The following CAPZA2 variants were observed in gnomAD, a reference collection of about 807,000 sequenced individuals.
The protein encoded by CAPZA2 is capping actin protein of muscle Z-line subunit alpha 2.
In CAPZA2, 13 loss-of-function variants were observed where a neutral mutation model predicts 44.0. The ratio of observed to expected loss-of-function variants is 0.30; its 90% CI spans 0.19 to 0.47. The LOEUF (loss-of-function observed/expected upper bound fraction) is 0.47, where lower values mean the gene tolerates loss of function less well. CAPZA2 is among the 20% of genes least tolerant of loss of function. The probability of loss-of-function intolerance (pLI) is 1.00; values close to 1 mark genes in which losing one functional copy is unlikely to be tolerated. For synonymous variants in CAPZA2, 94 were observed against 108.2 expected, an observed-to-expected ratio of 0.87 and a Z score of 0.81; for missense variants, 244 against 338.6, an observed-to-expected ratio of 0.72 and a Z score of 2.19.
chr7:116,877,867 G>A (rs1195375858), intron 1 of CAPZA2, among the ~76,000 whole-genome samples: 1 of 152,140 alleles, frequency 6.6e-6, no homozygotes, highest in African/African-American at 2.4e-5. Context: ...TGGCAAGGTG[G>A]AAAATGAATT....
chr7:116,908,041 G>T (rs922283569), intron 6 of CAPZA2, among the ~76,000 whole-genome samples: 20 of 151,904 alleles, frequency 1.3e-4, no homozygotes, highest in African/African-American at 4.8e-4. Flanking sequence ...TAGGAGGATG[G>T]CCAGAGGCCA....
intron 3 of CAPZA2, among the ~76,000 whole-genome samples, chr7:116,896,580 A>G (rs569700067): frequency 6.6e-6 from 1 of 152,266 alleles, no homozygotes; most frequent in South Asian, 2.1e-4. Flanking sequence ...AAGAAAAATG[A>G]TGTGGCTAAA....
intron 1 of CAPZA2, chr7:116,875,591 A>G (rs1049686599): frequency 1.3e-5 from 2 of 151,862 alleles, no homozygotes; most frequent in African/African-American, 2.4e-5. Context: ...CTGTCAGCCA[A>G]GCTGGAGTGT....
chr7:116,917,958 T>G lies in CAPZA2; in HGVS notation c.*91T>G. 1.0e-6 allele frequency: 1 copy of G among 985,850 alleles called. No individual in the cohort carries two copies. The highest frequency in any genetic ancestry group is 1.6e-6 in the Non-Finnish European group (1 of 634,124). 61.1% of individuals were successfully genotyped at this position (985,850 alleles called of 1,614,324 possible). On this transcript the variant is annotated 3_prime_UTR_variant, in exon 10 of 10. Coordinates refer to ENST00000361183, the MANE Select transcript of CAPZA2 (RefSeq NM_006136.3). Reference sequence around the variant, plus strand: ...TGAACTGTCAAGCTGCCCAGTCAGATGGGCTGTTGCCATTTAAAATCACTG... The same window carrying G: ...TGAACTGTCAAGCTGCCCAGTCAGAGGGGCTGTTGCCATTTAAAATCACTG...
chr7:116,862,755 C>T, intron 1 of CAPZA2, 105 bp downstream of exon 1: 3 of 1,287,370 alleles, frequency 2.3e-6, no homozygotes, highest in South Asian at 2.8e-5. Flanking sequence ...CCGCAGCTGG[C>T]CTTGCCCTCG....
intron 1 of CAPZA2, among the ~76,000 whole-genome samples, chr7:116,864,751 C>T (rs981711397): frequency 6.6e-6 from 1 of 152,020 alleles, no homozygotes; most frequent in South Asian, 2.1e-4. Flanking sequence ...CAAAAATAAG[C>T]TCTTAAGCTG....
intron 8 of CAPZA2, among the ~76,000 whole-genome samples, chr7:116,913,183 G>A (rs1462799384): frequency 6.6e-6 from 1 of 152,112 alleles, no homozygotes; most frequent in Non-Finnish European, 1.5e-5. Flanking sequence ...CAAGTCCAGT[G>A]TATCACATAC....
At chr7:116,862,798 A>G (rs1450184743) in intron 1 of CAPZA2, 148 bp downstream of exon 1, 15 of 863,840 alleles carry the variant, frequency 1.7e-5, no homozygotes, top group African/African-American at 7.2e-5. Flanking sequence ...TACTGCGCCC[A>G]GTGCCTGCCC....
intron 2 of CAPZA2, among the ~76,000 whole-genome samples, chr7:116,892,493 C>G (rs1004083568): frequency 6.6e-6 from 1 of 152,100 alleles, no homozygotes; most frequent in African/African-American, 2.4e-5. Flanking sequence ...CAGACTTTAA[C>G]ATACCATATT....
intron 6 of CAPZA2, among the ~76,000 whole-genome samples, chr7:116,908,083 A>AC (rs1791540946): frequency 1.4e-5 from 2 of 147,550 alleles, no homozygotes; most frequent in Non-Finnish European, 3.0e-5. Flanking sequence ...ACATAGTACG[A>AC]CCCCATCTCT....
At chr7:116,888,392 A>G in intron 2 of CAPZA2, 1 of 430,508 alleles carries the variant, frequency 2.3e-6, no homozygotes, top group Non-Finnish European at 4.1e-6. Flanking sequence ...TAGCAAATTA[A>G]CCCTTTTAAA....
At chr7:116,913,496 T>A (rs555347655) in intron 8 of CAPZA2, among the ~76,000 whole-genome samples, 2 of 152,318 alleles carry the variant, frequency 1.3e-5, no homozygotes, top group African/African-American at 4.8e-5. Flanking sequence ...GTTTTTTTTT[T>A]AAGTTCATCT....
intron 4 of CAPZA2, among the ~76,000 whole-genome samples, chr7:116,900,495 T>C (rs1424804706): frequency 6.6e-6 from 1 of 151,842 alleles, no homozygotes; most frequent in East Asian, 1.9e-4. Flanking sequence ...TTGTCCTTTA[T>C]TACAGCAAGT....
At chr7:116,900,471 A>G (rs1796981678) in intron 4 of CAPZA2, among the ~76,000 whole-genome samples, 2 of 151,976 alleles carry the variant, frequency 1.3e-5, no homozygotes, top group African/African-American at 4.8e-5. Flanking sequence ...AGGTAAGGAT[A>G]CAAAACTCAT....
Position 116,916,043 on chromosome 7 carries a change from G to GTTTT in CAPZA2, c.658-7_658-4dup. On this transcript the variant is annotated splice_polypyrimidine_tract_variant and intron_variant, in intron 8 of 9. Coordinates refer to ENST00000361183, the MANE Select transcript of CAPZA2 (RefSeq NM_006136.3). ...AGTTTTAAATTACTATTTTTATTTT[G>GTTTT]TTTTTTTTTTTTTCAGAATGAAGTG... 2.4e-5 allele frequency: 28 copies of GTTTT among 1,174,960 alleles called. No homozygotes were observed. The highest frequency in any genetic ancestry group is 9.7e-5 in the South Asian group (6 of 62,012). 72.8% of individuals were successfully genotyped at this position (1,174,960 alleles called of 1,614,324 possible).
At chr7:116,884,184 C>T (rs1454539435) in intron 1 of CAPZA2, among the ~76,000 whole-genome samples, 1 of 152,156 alleles carries the variant, frequency 6.6e-6, no homozygotes, top group Admixed American at 6.5e-5. Context: ...TTATACTTTA[C>T]ATTTTAATAG....
intron 2 of CAPZA2, 127 bp downstream of exon 2, chr7:116,888,317 A>G (rs187505841): frequency 1.5e-5 from 9 of 584,046 alleles, no homozygotes; most frequent in African/African-American, 3.8e-5. Flanking sequence ...TACAATGACA[A>G]TATGTTAGTC....
At chr7:116,879,304 G>A (rs1044477472) in intron 1 of CAPZA2, among the ~76,000 whole-genome samples, 8 of 152,078 alleles carry the variant, frequency 5.3e-5, no homozygotes, top group Non-Finnish European at 1.0e-4. Flanking sequence ...TGGCTCCAGA[G>A]ATCATACTGT....
chr7:116,895,361 C>A (rs1796910973), intron 3 of CAPZA2, among the ~76,000 whole-genome samples: 1 of 152,004 alleles, frequency 6.6e-6, no homozygotes, highest in African/African-American at 2.4e-5. Flanking sequence ...AATTATTGAT[C>A]TGTTAATGAT....
Sources: gnomAD v4.1 joint callset for allele counts (sites outside exome capture counted in the v4.1 genomes callset) on GRCh38, gnomAD v4.1.1 for gene constraint, MANE v1.5 for transcripts, NCBI Gene and HGNC (gene_info 2026-07-23, HGNC 2026-07-21) for gene names.